Variants in RAB11FIP1 observed in about 807,000 individuals in gnomAD.
RAB11FIP1 encodes the protein RAB11 family interacting protein 1.
A neutral mutation model predicts 83.1 loss-of-function variants in RAB11FIP1; 49 were observed. The observed-to-expected ratio is 0.59, with a 90% confidence interval of 0.47 to 0.75. The LOEUF is 0.75. Among genes scored for constraint, RAB11FIP1 ranks in the 30% least tolerant of loss-of-function variants. The probability of loss-of-function intolerance (pLI) is 0.00; values close to 1 mark genes in which losing one functional copy is unlikely to be tolerated. For missense variants in RAB11FIP1, 1,536 were observed against 1,598.7 expected (o/e 0.96, Z 0.67); for synonymous variants, 670 against 656.0 (o/e 1.02, Z -0.33).
rs912914540 is a variant in RAB11FIP1, at chr8:37,885,237, C to T, written c.372-7686G>A. Among the ~76,000 whole-genome samples, 40 of 151,786 alleles carry T rather than the reference C, an allele frequency of 2.6e-4. 1 individual carries two copies. The highest frequency in any genetic ancestry group is 1.1e-3 in the South Asian group (5 of 4,550). ...CTCGAACTCCTGACTTCAGATGATC[C>T]GTCCACCTTGGCCTCCCAAAGTGCT... On this transcript the variant is annotated intron_variant, in intron 1 of 5. Transcript: ENST00000330843.
chr8:37,896,995 C>T (rs543600853), intron 1 of RAB11FIP1, among the ~76,000 whole-genome samples: 1 of 152,236 alleles, frequency 6.6e-6, no homozygotes, highest in South Asian at 2.1e-4. Flanking sequence ...CGCAAGACAA[C>T]GGATGGCCAA....
At chr8:37,887,374 T>C (rs1461373059) in intron 1 of RAB11FIP1, among the ~76,000 whole-genome samples, 1 of 151,680 alleles carries the variant, frequency 6.6e-6, no homozygotes, top group Non-Finnish European at 1.5e-5. Context: ...CTACTAAAAA[T>C]ACAAAAATGA....
In RAB11FIP1 at chr8:37,899,094, G is replaced by A; in HGVS notation, c.348C>T (p.Arg116=). 6.6e-7 allele frequency: 1 copy of A among 1,518,850 alleles called. No homozygotes were observed. The highest frequency in any genetic ancestry group is 2.6e-5 in the East Asian group (1 of 37,958). 94.1% of individuals were successfully genotyped at this position (1,518,850 alleles called of 1,614,324 possible). Residue 116 remains arginine (R), a synonymous_variant, in exon 1 of 6, where the codon CGC becomes CGT. Coordinates refer to ENST00000330843, the MANE Select transcript of RAB11FIP1 (RefSeq NM_001002814.3). The surrounding 1 kb of genome is among the most constrained non-coding windows in gnomAD (Gnocchi z 4.5). ...ACTGCGTCTTCCTGCGGCCCTGGTC[G>A]CGGTGCAGATCCCGCAGGTCCACCT... ...RAEVDLRDLH[R]DQGRRKTQWY...
Position 37,878,667 on chromosome 8 carries a change from AAAT to A in RAB11FIP1, c.372-1119_372-1117del, listed in dbSNP as rs547355888. On this transcript the variant is annotated intron_variant, in intron 1 of 5. Coordinates refer to ENST00000330843, the MANE Select transcript of RAB11FIP1 (RefSeq NM_001002814.3). ...GAATGGTCCCTGCCAGGGAGTAAAA[AAAT>A]AATAATAATACAACACAGAATTAAA... 2.2e-4 allele frequency among the ~76,000 whole-genome samples: 33 copies of A among 151,304 alleles called. No individual in the cohort carries two copies. The South Asian group carries it at 5.9e-3, about 27-fold the overall frequency.
chr8:37,870,632 G>A, intron 4 of RAB11FIP1, 104 bp from the exon 5 acceptor site: 2 of 629,478 alleles, frequency 3.2e-6, no homozygotes, highest in Admixed American at 2.5e-5. Flanking sequence ...AGGGGCAGGT[G>A]GGTCACATGC....
At chr8:37,863,203 T>C in intron 5 of RAB11FIP1, 90 bp from the exon 6 acceptor site, 2 of 964,670 alleles carry the variant, frequency 2.1e-6, no homozygotes, top group Non-Finnish European at 3.2e-6. Flanking sequence ...GAGGAAAAAG[T>C]GACTAGTGAT....
In RAB11FIP1 at chr8:37,872,790, A is replaced by G; in HGVS notation, c.2012T>C (p.Leu671Pro). The G allele has an allele frequency of 6.2e-7, 1 of 1,614,240 alleles. No individual in the cohort carries two copies. The highest frequency in any genetic ancestry group is 8.5e-7 in the Non-Finnish European group (1 of 1,180,046). The part of the protein sequence containing the change: ...FPANKGTEDS[L>P]MGRTRETGTE... ...GCCTGTCTCACGGGTCCTGCCCATC[A>G]GAGAATCTTCTGTCCCTTTATTTGC... Residue 671 changes from leucine (L) to proline (P), a missense_variant, in exon 4 of 6, where the codon CTG (leucine) becomes CCG (proline). Transcript: ENST00000330843.
chr8:37,859,153 G>A lies in RAB11FIP1; in HGVS notation c.*3742C>T, dbSNP rs1021988111. On this transcript the variant is annotated 3_prime_UTR_variant, in exon 6 of 6. Transcript: ENST00000330843. Reference sequence around the variant, plus strand: ...ACAGTAGATATGGAGACACCATATGGAGATACGGAGTTAAGTTTGGTGGAT... The same window carrying A: ...ACAGTAGATATGGAGACACCATATGAAGATACGGAGTTAAGTTTGGTGGAT... 3 of 151,816 alleles carry A rather than the reference G, an allele frequency of 2.0e-5. No homozygotes were observed. Among genetic ancestry groups the A allele is most frequent in the Non-Finnish European group, 4.4e-5 (3 of 68,040 alleles). The allele number at this position is 151,816 out of a possible 1,614,324, so 9.4% of individuals were successfully genotyped here. A position where few individuals can be genotyped will look rare whatever the true frequency, so the allele number is the denominator to read the frequency against.
At chr8:37,892,414 T>C (rs1277379752) in intron 1 of RAB11FIP1, among the ~76,000 whole-genome samples, 1 of 149,540 alleles carries the variant, frequency 6.7e-6, no homozygotes, top group East Asian at 1.9e-4. Context: ...ATCAACCCAC[T>C]ACTTTTATTT....
intron 1 of RAB11FIP1, among the ~76,000 whole-genome samples, chr8:37,885,052 T>G (rs927193357): frequency 6.6e-6 from 1 of 151,228 alleles, no homozygotes; most frequent in Non-Finnish European, 1.5e-5. Context: ...TGGAGTGCAG[T>G]GGCGTGATCT....
intron 1 of RAB11FIP1, among the ~76,000 whole-genome samples, chr8:37,898,478 C>T (rs1807138531): frequency 6.6e-6 from 1 of 152,084 alleles, no homozygotes; most frequent in African/African-American, 2.4e-5. Context: ...TCTGATGAAA[C>T]CCCGTCTCTA....
chr8:37,873,316 GA>G, intron 3 of RAB11FIP1, 137 bp from the exon 4 acceptor site: 3 of 1,017,332 alleles, frequency 2.9e-6, no homozygotes, highest in South Asian at 3.6e-5. Flanking sequence ...GTTAAAAAAG[GA>G]ACGCTAGCCG....
At chr8:37,863,204 G>T in intron 5 of RAB11FIP1, 91 bp from the exon 6 acceptor site, 1 of 963,220 alleles carries the variant, frequency 1.0e-6, no homozygotes, top group South Asian at 1.5e-5. Context: ...AGGAAAAAGT[G>T]ACTAGTGATC....
At position 37,863,025 on chromosome 8, in the gene RAB11FIP1, AT is replaced by A. The variant is rs1383887540; in HGVS notation, c.3721del (p.Ile1241Ter). 6.2e-7 allele frequency: 1 copy of A among 1,613,462 alleles called. No homozygotes were observed. Among genetic ancestry groups the A allele is most frequent in the Non-Finnish European group, 8.5e-7 (1 of 1,180,004 alleles). On this transcript the variant is annotated frameshift_variant, in exon 6 of 6. Coordinates refer to ENST00000330843, the MANE Select transcript of RAB11FIP1 (RefSeq NM_001002814.3). LOFTEE classifies it high-confidence loss of function. Reference protein sequence around the residue: ...IQLVLKQKETISKKEFQVREL... With the variant: ...IQLVLKQKETXSKKEFQVREL... Reference sequence around the variant, plus strand: ...GCGGACCTGGAACTCCTTCTTGCTTATCGTTTCCTTCTGTTTGAGGACCAGC... The same window carrying A: ...GCGGACCTGGAACTCCTTCTTGCTTACGTTTCCTTCTGTTTGAGGACCAGC...
rs778139123 is a variant in RAB11FIP1 at position 37,877,139 on chromosome 8, T to G, written c.784A>C (p.Asn262His). The G allele has an allele frequency of 6.2e-7, 1 of 1,613,912 alleles. No homozygotes were observed. Among genetic ancestry groups the G allele is most frequent in the South Asian group, 1.1e-5 (1 of 91,076 alleles). Reference sequence around the variant, plus strand: ...GAGGCCGAGGAGGACTCATCCTCATTGTCATCTTCATCCCACTGGGACTGA... The same window carrying G: ...GAGGCCGAGGAGGACTCATCCTCATGGTCATCTTCATCCCACTGGGACTGA... ...DFQSQWDEDD[N>H]EDESSSASDV... is the part of the protein sequence containing the mutation. The change falls in exon 2 of 6, where the codon AAT becomes CAT. Residue 262 changes from asparagine (N) to histidine (H), a missense_variant. Physicochemically the swap from Asn to His is moderately conservative, Grantham distance 68 (BLOSUM62 1). Coordinates refer to ENST00000330843, the MANE Select transcript of RAB11FIP1 (RefSeq NM_001002814.3).
chr8:37,889,807 T>C (rs1447843779), intron 1 of RAB11FIP1, among the ~76,000 whole-genome samples: 2 of 152,094 alleles, frequency 1.3e-5, no homozygotes, highest in Non-Finnish European at 2.9e-5. Flanking sequence ...TTTTTTTTTT[T>C]CTTTGAGACA....
intron 1 of RAB11FIP1, among the ~76,000 whole-genome samples, chr8:37,878,821 G>C (rs1216923930): frequency 6.6e-6 from 1 of 151,622 alleles, no homozygotes; most frequent in African/African-American, 2.4e-5. Context: ...GCAATATTGC[G>C]AGACTCCATC....
chr8:37,872,235 G>A lies in RAB11FIP1; in HGVS notation c.2567C>T (p.Ser856Phe). 4 of 1,614,092 alleles carry A rather than the reference G, an allele frequency of 2.5e-6. No homozygotes were observed. Among genetic ancestry groups the A allele is most frequent in the Non-Finnish European group, 3.4e-6 (4 of 1,180,006 alleles). Residue 856 changes from serine to phenylalanine, a missense_variant, in exon 4 of 6, where the codon TCT becomes TTT. By Grantham distance (155) the Ser-to-Phe change is radical (BLOSUM62 -2). Transcript: ENST00000330843. ...CCTTTCTGAGTCCTCTGCGTGGGGA[G>A]ACTCAGGAGGCTCTCCGTCAGACGC... ...GNASDGEPPE[S>F]PHAEDSERES...
chr8:37,872,009 T>C lies in RAB11FIP1; in HGVS notation c.2793A>G (p.Glu931=). 2 of 1,614,128 alleles carry C rather than the reference T, an allele frequency of 1.2e-6. No individual in the cohort carries two copies. The highest frequency in any genetic ancestry group is 1.7e-6 in the Non-Finnish European group (2 of 1,180,032). Residue 931 remains glutamate (E), a synonymous_variant, in exon 4 of 6, where the codon GAA becomes GAG. Transcript: ENST00000330843. ...TQYQSKASDH[E]GLLSDPLSDL... ...CACTCAAGGGGTCAGACAATAAACC[T>C]TCGTGGTCACTGGCTTTGCTCTGAT...
Sources: allele counts gnomAD v4.1 joint callset (sites outside exome capture counted in the v4.1 genomes callset), GRCh38; gene constraint gnomAD v4.1.1; non-coding constraint Gnocchi (gnomAD v3.1); transcripts MANE v1.5; gene names NCBI Gene and HGNC (gene_info 2026-07-23, HGNC 2026-07-21).